Variants in NUP107 observed in about 807,000 individuals in gnomAD.
NUP107 encodes the protein nucleoporin 107.
NUP107 carries 101 observed loss-of-function variants against 141.0 expected under a neutral mutation model. The ratio of observed to expected loss-of-function variants is 0.72; its 90% CI spans 0.61 to 0.84. NUP107 has a LOEUF of 0.84. NUP107 is among the 40% of genes least tolerant of loss of function. NUP107 has a pLI of 0.00. For synonymous variants in NUP107, 319 were observed against 363.9 expected, an observed-to-expected ratio of 0.88 and a Z score of 1.41; for missense variants, 941 against 1,102.7, an observed-to-expected ratio of 0.85 and a Z score of 2.08.
At chr12:68,731,761 T>C in intron 22 of NUP107, 42 bp downstream of exon 22, 2 of 1,061,604 alleles carry the variant, frequency 1.9e-6, no homozygotes, top group East Asian at 2.6e-5. Context: ...TAACTTCTAA[T>C]AATCTTTTAT....
At position 68,728,719 on chromosome 12, in the gene NUP107, CT is replaced by C. The variant is rs34454032; in HGVS notation, c.1734+1345del. 3.1e-3 allele frequency among the ~76,000 whole-genome samples: 400 copies of C among 130,848 alleles called. 2 individuals are homozygous for C. The highest frequency in any genetic ancestry group is 5.9e-3 in the South Asian group (24 of 4,072). 85.8% of individuals were successfully genotyped at this position (130,848 alleles called of 152,430 possible). A position where few individuals can be genotyped will look rare whatever the true frequency, so the allele number is the denominator to read the frequency against. On this transcript the variant is annotated intron_variant, in intron 20 of 27. Coordinates refer to ENST00000229179, the MANE Select transcript of NUP107 (RefSeq NM_020401.4). ...ACCACGACACCCGGCCTGGACCTGT[CT>C]TTTTTTTTTTTTTTAAGTTTAAAAA...
intron 8 of NUP107, among the ~76,000 whole-genome samples, chr12:68,708,767 C>T (rs963219490): frequency 3.3e-5 from 5 of 152,080 alleles, no homozygotes; most frequent in Admixed American, 1.3e-4. Flanking sequence ...TACAGGCTTG[C>T]GTCACCACGC....
chr12:68,743,170 G>C lies in NUP107; in HGVS notation c.*708G>C, dbSNP rs944242422. The C allele has an allele frequency of 2.0e-5, 3 of 152,372 alleles. No individual in the cohort carries two copies. The East Asian group carries it at 5.8e-4, about 29-fold the overall frequency. The allele number at this position is 152,372 out of a possible 1,614,324, so 9.4% of individuals were successfully genotyped here. A position where few individuals can be genotyped will look rare whatever the true frequency, so the allele number is the denominator to read the frequency against. ...CCCAGCACTTCGGGAGGCCGAGGCA[G>C]GTGGATCACCTGTCGTCAGGAGTTT... On this transcript the variant is annotated 3_prime_UTR_variant, in exon 28 of 28. Coordinates refer to ENST00000229179, the MANE Select transcript of NUP107 (RefSeq NM_020401.4).
chr12:68,691,937 C>T, intron 4 of NUP107, 31 bp from the exon 5 acceptor site: 1 of 1,547,748 alleles, frequency 6.5e-7, no homozygotes, highest in Non-Finnish European at 8.7e-7. Context: ...CATCACTTTT[C>T]TGTATTTTTA....
chr12:68,698,193 G>A (rs1876162909), intron 6 of NUP107, among the ~76,000 whole-genome samples: 1 of 152,060 alleles, frequency 6.6e-6, no homozygotes, highest in South Asian at 2.1e-4. Flanking sequence ...GAGGCAGGAG[G>A]ATCACTTGAG....
chr12:68,732,612 TC>T, intron 22 of NUP107, 24 bp from the exon 23 acceptor site: 1 of 1,459,982 alleles, frequency 6.8e-7, no homozygotes, highest in Non-Finnish European at 9.4e-7. Flanking sequence ...TATTCCTTTT[TC>T]TTTTTTTCCC....
In NUP107 at chr12:68,726,618, G is replaced by A; in HGVS notation, c.1695+1G>A. The A allele has an allele frequency of 1.9e-6, 3 of 1,574,466 alleles. No homozygotes were observed. The highest frequency in any genetic ancestry group is 1.3e-5 in the African/African-American group (1 of 74,148). Reference sequence around the variant, plus strand: ...CCGTACTCTGGGACTACAGACCAAGGTATATAAAAATGAACGATTTCTTCT... The same window carrying A: ...CCGTACTCTGGGACTACAGACCAAGATATATAAAAATGAACGATTTCTTCT... On this transcript the variant is annotated splice_donor_variant, in intron 19 of 27. Transcript: ENST00000229179. LOFTEE classifies it high-confidence loss of function.
At chr12:68,720,999 A>T in intron 14 of NUP107, 119 bp from the exon 15 acceptor site, 1 of 561,878 alleles carries the variant, frequency 1.8e-6, no homozygotes, top group Non-Finnish European at 3.1e-6. Flanking sequence ...ACTAAAGTTT[A>T]AAAACTATCA....
intron 6 of NUP107, 45 bp downstream of exon 6, chr12:68,696,967 A>C (rs766383737): frequency 8.1e-7 from 1 of 1,235,176 alleles, no homozygotes; most frequent in Non-Finnish European, 1.2e-6. Flanking sequence ...CAGTATTTTT[A>C]GTTTTCATAA....
At chr12:68,727,533 G>C (rs1053840867) in intron 20 of NUP107, 144 bp downstream of exon 20, 1 of 511,098 alleles carries the variant, frequency 2.0e-6, no homozygotes, top group Admixed American at 3.3e-5. Context: ...GTTGACCTTT[G>C]AATAATGCAG....
chr12:68,742,491 A>C lies in NUP107; in HGVS notation c.*29A>C. The C allele has an allele frequency of 8.2e-7, 1 of 1,224,702 alleles. No individual in the cohort carries two copies. The highest frequency in any genetic ancestry group is 1.2e-6 in the Non-Finnish European group (1 of 867,118). 75.9% of individuals were successfully genotyped at this position (1,224,702 alleles called of 1,614,324 possible). A position where few individuals can be genotyped will look rare whatever the true frequency, so the allele number is the denominator to read the frequency against. On this transcript the variant is annotated 3_prime_UTR_variant, in exon 28 of 28. Transcript: ENST00000229179. ...AATCTTTGTAATCTCACTAATTTTC[A>C]TGATAAATGAAGTTTTTAATAAAAT...
chr12:68,708,013 C>A (rs1445029349), intron 8 of NUP107, among the ~76,000 whole-genome samples: 1 of 151,898 alleles, frequency 6.6e-6, no homozygotes, highest in Non-Finnish European at 1.5e-5. Context: ...ATCACTTGAG[C>A]CCAGGAGGCA....
intron 5 of NUP107, among the ~76,000 whole-genome samples, chr12:68,692,870 C>T (rs998369093): frequency 6.6e-6 from 1 of 151,180 alleles, no homozygotes; most frequent in Non-Finnish European, 1.5e-5. Flanking sequence ...CTGCCTCAGT[C>T]TCCAGAGTAG....
At chr12:68,709,765 T>C (rs1199231573) in intron 9 of NUP107, among the ~76,000 whole-genome samples, 2 of 151,788 alleles carry the variant, frequency 1.3e-5, no homozygotes, top group African/African-American at 4.8e-5. Flanking sequence ...GGTGGGCGCC[T>C]GTAGTCCCAG....
At chr12:68,731,764 T>A (rs1365650694) in intron 22 of NUP107, 45 bp downstream of exon 22, 9 of 1,041,046 alleles carry the variant, frequency 8.6e-6, no homozygotes, top group Non-Finnish European at 1.3e-5. Flanking sequence ...CTTCTAATAA[T>A]CTTTTATGTT....
At chr12:68,688,144 T>A (rs1157499010) in intron 1 of NUP107, among the ~76,000 whole-genome samples, 4 of 152,210 alleles carry the variant, frequency 2.6e-5, no homozygotes, top group Non-Finnish European at 4.4e-5. Context: ...AAATATCATT[T>A]TAGGAAATTT....
At chr12:68,698,560 G>A (rs919229395) in intron 6 of NUP107, among the ~76,000 whole-genome samples, 3 of 152,162 alleles carry the variant, frequency 2.0e-5, no homozygotes, top group South Asian at 2.1e-4. Context: ...TTCAGTGGGC[G>A]AATGAATAAA....
At chr12:68,726,368 A>T in intron 18 of NUP107, 131 bp from the exon 19 acceptor site, 1 of 631,262 alleles carries the variant, frequency 1.6e-6, no homozygotes, top group Non-Finnish European at 2.8e-6. Flanking sequence ...GTGTAGAGTT[A>T]TATCATGGCT....
chr12:68,740,637 A>G (rs1432556248), intron 26 of NUP107, among the ~76,000 whole-genome samples: 6 of 151,870 alleles, frequency 4.0e-5, no homozygotes, highest in East Asian at 1.9e-4. Context: ...ACTTTTAGGT[A>G]TTCCATTAGG....
Sources: gnomAD v4.1 joint callset for allele counts (sites outside exome capture counted in the v4.1 genomes callset) on GRCh38, gnomAD v4.1.1 for gene constraint, MANE v1.5 for transcripts, NCBI Gene and HGNC (gene_info 2026-07-23, HGNC 2026-07-21) for gene names.